The following PPFIA1 variants were observed in gnomAD, a reference collection of about 807,000 sequenced individuals.
PPFIA1 encodes liprin-alpha-1.
PPFIA1 carries 25 observed loss-of-function variants against 149.9 expected under a neutral mutation model. That is an observed-to-expected ratio of 0.17 (90% confidence interval 0.12 to 0.23). The LOEUF is 0.23. Among genes scored for constraint, PPFIA1 ranks in the 10% least tolerant of loss-of-function variants. The probability of loss-of-function intolerance (pLI) is 1.00; values close to 1 mark genes in which losing one functional copy is unlikely to be tolerated. For missense variants in PPFIA1, 1,362 were observed against 1,506.5 expected, an observed-to-expected ratio of 0.90 and a Z score of 1.59; for synonymous variants, 549 against 552.8, an observed-to-expected ratio of 0.99 and a Z score of 0.10.
At chr11:70,333,590 G>A in intron 10 of PPFIA1, 37 bp downstream of exon 10, 11 of 1,518,246 alleles carry the variant, frequency 7.2e-6, no homozygotes, top group Non-Finnish European at 9.1e-6. Flanking sequence ...GCGCTGAGTG[G>A]GTGCTGCAAG....
At chr11:70,315,544 G>A (rs981349448) in intron 2 of PPFIA1, among the ~76,000 whole-genome samples, 8 of 151,994 alleles carry the variant, frequency 5.3e-5, no homozygotes, top group African/African-American at 1.4e-4. Context: ...AGACTGAGGC[G>A]AGTAGCTTCT....
At chr11:70,284,385 T>G (rs192478755) in intron 2 of PPFIA1, among the ~76,000 whole-genome samples, 157 of 152,370 alleles carry the variant, frequency 1.0e-3, no homozygotes, top group African/African-American at 3.4e-3. Context: ...ATTTGCCATC[T>G]TGTCTTCCTG....
intron 16 of PPFIA1, among the ~76,000 whole-genome samples, chr11:70,352,464 G>A (rs2056107470): frequency 6.6e-6 from 1 of 152,082 alleles, no homozygotes; most frequent in South Asian, 2.1e-4. Flanking sequence ...TGACACTTAG[G>A]CATGATAACC....
At chr11:70,273,862 G>A (rs2050237681) in intron 2 of PPFIA1, among the ~76,000 whole-genome samples, 1 of 152,186 alleles carries the variant, frequency 6.6e-6, no homozygotes, top group African/African-American at 2.4e-5. Flanking sequence ...ACGTATTGAA[G>A]TGTATATCAA....
At chr11:70,356,028 G>T in intron 18 of PPFIA1, 133 bp from the exon 19 acceptor site, 1 of 1,013,650 alleles carries the variant, frequency 9.9e-7, no homozygotes, top group Non-Finnish European at 1.5e-6. Flanking sequence ...TTGGGCATTT[G>T]GTTGTCTAGT....
intron 2 of PPFIA1, among the ~76,000 whole-genome samples, chr11:70,276,083 T>C (rs1043702105): frequency 2.0e-5 from 3 of 152,192 alleles, no homozygotes; most frequent in East Asian, 3.8e-4. Flanking sequence ...ATGTGATTTT[T>C]CTGTTATGTG....
chr11:70,351,196 A>G (rs970731301), intron 16 of PPFIA1, among the ~76,000 whole-genome samples: 1 of 152,228 alleles, frequency 6.6e-6, no homozygotes, highest in Middle Eastern at 3.2e-3. Flanking sequence ...TCTATTGGAA[A>G]TTGGTCATTA....
chr11:70,374,589 T>G, intron 23 of PPFIA1: 1 of 250,966 alleles, frequency 4.0e-6, no homozygotes, highest in Non-Finnish European at 7.6e-6. Context: ...TGTTTATACA[T>G]GTTAGGTATT....
chr11:70,288,367 G>A (rs2051296750), intron 2 of PPFIA1, among the ~76,000 whole-genome samples: 1 of 152,114 alleles, frequency 6.6e-6, no homozygotes, highest in African/African-American at 2.4e-5. Flanking sequence ...ACCGCGCCCG[G>A]CCTCCCCTCT....
chr11:70,283,888 C>G, intron 2 of PPFIA1: 1 of 470,942 alleles, frequency 2.1e-6, no homozygotes, highest in Non-Finnish European at 4.4e-6. Flanking sequence ...AGTGGAGCCC[C>G]CTCAACAAAG....
rs1406480317 is a variant in PPFIA1 at position 70,362,092 on chromosome 11, T to C, written c.2583-3T>C. On this transcript the variant is annotated splice_polypyrimidine_tract_variant and splice_region_variant and intron_variant, in intron 19 of 27. Transcript: ENST00000253925. ...TTAATTTTCAATATCTTCTCCTTTA[T>C]AGGCATGAATTGCTGGAGGAAGCCC... 5.0e-6 allele frequency: 8 copies of C among 1,613,584 alleles called. No individual in the cohort carries two copies. Among genetic ancestry groups the C allele is most frequent in the Non-Finnish European group, 6.8e-6 (8 of 1,179,570 alleles).
At chr11:70,325,451 A>T in intron 4 of PPFIA1, 49 bp from the exon 5 acceptor site, 1 of 1,254,190 alleles carries the variant, frequency 8.0e-7, no homozygotes, top group Non-Finnish European at 1.1e-6. Context: ...TAAGAATAAA[A>T]TAAACAGTAT....
chr11:70,356,814 C>T (rs142767337), intron 19 of PPFIA1, among the ~76,000 whole-genome samples: 4 of 152,342 alleles, frequency 2.6e-5, no homozygotes, highest in African/African-American at 7.2e-5. Flanking sequence ...GCATTTTTCT[C>T]TCTTCCGTAG....
chr11:70,356,095 T>A (rs1001307035), intron 18 of PPFIA1, 66 bp from the exon 19 acceptor site: 3 of 1,274,526 alleles, frequency 2.4e-6, no homozygotes, highest in Non-Finnish European at 3.4e-6. Flanking sequence ...TTCATCTGCC[T>A]ATTTATGAAA....
chr11:70,315,737 C>T (rs1202756706), intron 2 of PPFIA1, among the ~76,000 whole-genome samples: 9 of 121,484 alleles, frequency 7.4e-5, no homozygotes, highest in Non-Finnish European at 1.6e-5. Flanking sequence ...AAAATACCAT[C>T]ATAACCATTT....
At chr11:70,298,196 C>A (rs2052219505) in intron 2 of PPFIA1, among the ~76,000 whole-genome samples, 1 of 152,200 alleles carries the variant, frequency 6.6e-6, no homozygotes, top group African/African-American at 2.4e-5. Flanking sequence ...TATTCCTGTT[C>A]CTGATTATTC....
At chr11:70,273,967 T>A (rs1326924393) in intron 2 of PPFIA1, among the ~76,000 whole-genome samples, 1 of 152,220 alleles carries the variant, frequency 6.6e-6, no homozygotes, top group Admixed American at 6.5e-5. Flanking sequence ...AGTCGCAGGC[T>A]GTGGAGGTTG....
intron 2 of PPFIA1, among the ~76,000 whole-genome samples, chr11:70,295,810 C>T (rs1471830271): frequency 2.0e-5 from 3 of 150,686 alleles, no homozygotes; most frequent in South Asian, 4.2e-4. Context: ...CTGGACGGGG[C>T]GGCTGCTGGG....
chr11:70,368,670 G>A (rs1260457741), intron 21 of PPFIA1, among the ~76,000 whole-genome samples: 1 of 152,168 alleles, frequency 6.6e-6, no homozygotes, highest in Non-Finnish European at 1.5e-5. Flanking sequence ...TCAGTTCATT[G>A]CTAGTATTTA....
Sources: gnomAD v4.1 joint callset for allele counts (sites outside exome capture counted in the v4.1 genomes callset) on GRCh38, gnomAD v4.1.1 for gene constraint, MANE v1.5 for transcripts, NCBI Gene and HGNC (gene_info 2026-07-23, HGNC 2026-07-21) for gene names.